RAB11FIP5: variants seen among roughly 807,000 people sequenced by gnomAD.
RAB11FIP5 encodes the protein rab11 family-interacting protein 5.
RAB11FIP5 carries 48 observed loss-of-function variants against 85.1 expected under a neutral mutation model. That is an observed-to-expected ratio of 0.56 (90% CI 0.45 to 0.72). The LOEUF is 0.72. Among genes scored for constraint, RAB11FIP5 ranks in the 30% least tolerant of loss-of-function variants. The pLI, the probability that RAB11FIP5 is intolerant of heterozygous loss-of-function variation, is 0.00. For synonymous variants in RAB11FIP5, 729 were observed against 727.3 expected (o/e 1.00, Z -0.04); for missense variants, 1,491 against 1,687.0 (o/e 0.88, Z 2.04).
chr2:73,107,681 T>G (rs970556260), intron 1 of RAB11FIP5, among the ~76,000 whole-genome samples: 4 of 151,976 alleles, frequency 2.6e-5, no homozygotes, highest in African/African-American at 9.7e-5. Context: ...CAACCCCAAA[T>G]AAAAACCACC....
rs1224657363 is a variant in RAB11FIP5, at chr2:73,075,940, G to A, written c.3771+53C>T. 1.5e-5 allele frequency: 23 copies of A among 1,569,478 alleles called. No individual in the cohort carries two copies. The highest frequency in any genetic ancestry group is 1.9e-5 in the Non-Finnish European group (22 of 1,152,308). On this transcript the variant is annotated intron_variant, in intron 5 of 5. Coordinates refer to ENST00000486777, the MANE Select transcript of RAB11FIP5 (RefSeq NM_001371272.1). The surrounding 1 kb of genome is among the most constrained non-coding windows in gnomAD (Gnocchi z 4.6). The stretch of plus-strand genomic sequence containing the variant: ...CCCACCCTCACCAGGACCAAGCCCT[G>A]AGACTCCACCACACATTCTGTCAGA...
In RAB11FIP5 at chr2:73,088,655, A is replaced by G; in HGVS notation, c.963T>C (p.Leu321=). The change falls in exon 3 of 6, where the codon CTT becomes CTC. Residue 321 remains leucine, a synonymous_variant. Transcript: ENST00000486777. ...NQMRVAPPRA[L]LDLQGHLDAA... ...CATCCAGGTGGCCCTGAAGGTCCAGAAGGGCCCGAGGAGGAGCCACTCGCA... is the reference window on the plus strand; with the variant it reads ...CATCCAGGTGGCCCTGAAGGTCCAGGAGGGCCCGAGGAGGAGCCACTCGCA... 1 of 1,613,200 alleles carries G rather than the reference A, an allele frequency of 6.2e-7. No individual in the cohort carries two copies. Among genetic ancestry groups the G allele is most frequent in the Non-Finnish European group, 8.5e-7 (1 of 1,180,030 alleles).
At position 73,081,105 on chromosome 2, in the gene RAB11FIP5, TCCTCC is replaced by T. The variant is rs1481389047; in HGVS notation, c.2122_2126del (p.Gly708ArgfsTer30). The T allele has an allele frequency of 4.1e-6, 5 of 1,221,102 alleles. No individual in the cohort carries two copies. The African/African-American group carries it at 4.7e-5, about 12-fold the overall frequency. The allele number at this position is 1,221,102 out of a possible 1,614,324, so 75.6% of individuals were successfully genotyped here. On this transcript the variant is annotated frameshift_variant, in exon 4 of 6. Transcript: ENST00000486777. LOFTEE classifies it high-confidence loss of function. The surrounding 1 kb of genome is among the most constrained non-coding windows in gnomAD (Gnocchi z 4.2). ...CGCTGCTCCCACCTCTTCCTCCTCC[TCCTCC>T]TCCTCCTCCTCCTCCTCCCCCAGGC... is the stretch of plus-strand genomic sequence containing the variant.
At chr2:73,103,491 G>A (rs1048604959) in intron 1 of RAB11FIP5, among the ~76,000 whole-genome samples, 1 of 152,216 alleles carries the variant, frequency 6.6e-6, no homozygotes, top group African/African-American at 2.4e-5. Flanking sequence ...CAGAAAAGAT[G>A]TAGGGTTGAT....
chr2:73,075,782 CCGCT>C lies in RAB11FIP5; in HGVS notation c.3772-62_3772-59del, dbSNP rs1683846964. 31 of 1,521,808 alleles carry C rather than the reference CCGCT, an allele frequency of 2.0e-5. No homozygotes were observed. The highest frequency in any genetic ancestry group is 1.2e-4 in the Admixed American group (6 of 50,646). 94.3% of individuals were successfully genotyped at this position (1,521,808 alleles called of 1,614,324 possible). On this transcript the variant is annotated intron_variant, in intron 5 of 5. Coordinates refer to ENST00000486777, the MANE Select transcript of RAB11FIP5 (RefSeq NM_001371272.1). The surrounding 1 kb of genome is among the most constrained non-coding windows in gnomAD (Gnocchi z 4.6). ...GCCCTAGGCCTGCCTGCCTGCCTGC[CCGCT>C]TGCCCGCCCGCCCGCCTGCCCACCA...
At position 73,074,849 on chromosome 2, in the gene RAB11FIP5, C is replaced by G. The variant is rs931213779; in HGVS notation, c.*672G>C. 4.0e-6 allele frequency: 1 copy of G among 250,890 alleles called. No homozygotes were observed. Among genetic ancestry groups the G allele is most frequent in the Non-Finnish European group, 7.9e-6 (1 of 126,214 alleles). 15.5% of individuals were successfully genotyped at this position (250,890 alleles called of 1,614,324 possible). ...TCCCATGTGACACTCGTGGAAAGGT[C>G]AGAGGGGTCAGGGAGCAGCCTGAAG... On this transcript the variant is annotated 3_prime_UTR_variant, in exon 6 of 6. Coordinates refer to ENST00000486777, the MANE Select transcript of RAB11FIP5 (RefSeq NM_001371272.1).
chr2:73,089,455 A>T lies in RAB11FIP5; in HGVS notation c.432-140T>A, dbSNP rs998490596. The T allele has an allele frequency of 8.1e-6, 7 of 869,292 alleles. No homozygotes were observed. The African/African-American group carries it at 1.2e-4, about 14-fold the overall frequency. The allele number at this position is 869,292 out of a possible 1,614,324, so 53.8% of individuals were successfully genotyped here. On this transcript the variant is annotated intron_variant, in intron 1 of 5. Coordinates refer to ENST00000486777, the MANE Select transcript of RAB11FIP5 (RefSeq NM_001371272.1). This position sits in a 1 kb window ranked among gnomAD's most constrained non-coding sequence, Gnocchi z 4.6. Reference sequence around the variant, plus strand: ...TCCCCAAAGGCTCCTGCTCTGACCCATCGGCCTGGGCTTCCAGGCTTCAGA... The same window carrying T: ...TCCCCAAAGGCTCCTGCTCTGACCCTTCGGCCTGGGCTTCCAGGCTTCAGA...
intron 1 of RAB11FIP5, among the ~76,000 whole-genome samples, chr2:73,100,365 G>A (rs562482390): frequency 6.6e-6 from 1 of 152,034 alleles, no homozygotes; most frequent in East Asian, 1.9e-4. Context: ...CATGGGCAGG[G>A]CATATATTTA....
chr2:73,080,545 T>C lies in RAB11FIP5; in HGVS notation c.2687A>G (p.Gln896Arg), dbSNP rs1042790071. 4 of 1,232,466 alleles carry C rather than the reference T, an allele frequency of 3.2e-6. No homozygotes were observed. In the African/African-American group the frequency reaches 6.2e-5, roughly 19 times the overall value. 76.3% of individuals were successfully genotyped at this position (1,232,466 alleles called of 1,614,324 possible). A position where few individuals can be genotyped will look rare whatever the true frequency, so the allele number is the denominator to read the frequency against. The stretch of plus-strand genomic sequence containing the variant: ...TGGCTTGGGAGGTGGGGTGCTGGGC[T>C]GCAGCCCCTTGTCAGACACCCACTC... ...KPEWVSDKGL[Q>R]PSTPPPKPPR... The change falls in exon 4 of 6, where the codon CAG (glutamine) becomes CGG (arginine). Residue 896 changes from glutamine (Q) to arginine (R), a missense_variant. This residue lies in a region of RAB11FIP5 where 1,211 missense variants were observed against 1,338.0 expected (regional missense o/e 0.91). Transcript: ENST00000486777.
chr2:73,088,117 C>G lies in RAB11FIP5; in HGVS notation c.1501G>C (p.Gly501Arg), dbSNP rs1684125002. The G allele has an allele frequency of 6.2e-7, 1 of 1,613,968 alleles. No individual in the cohort carries two copies. The highest frequency in any genetic ancestry group is 1.3e-5 in the African/African-American group (1 of 75,050). Residue 501 changes from glycine to arginine, a missense_variant, in exon 3 of 6, where the codon GGG becomes CGG. By Grantham distance (125) the Gly-to-Arg change is moderately radical. Coordinates refer to ENST00000486777, the MANE Select transcript of RAB11FIP5 (RefSeq NM_001371272.1). ...LGASPHHSSSGEEKAKSSWFG... is the reference protein window; with the variant it reads ...LGASPHHSSSREEKAKSSWFG... ...CAGCTACTCTTGGCCTTTTCCTCCC[C>G]ACTGGATGAGTGATGTGGGGAGGCC...
At chr2:73,076,237 A>T in intron 4 of RAB11FIP5, 55 bp from the exon 5 acceptor site, 2 of 1,475,456 alleles carry the variant, frequency 1.4e-6, no homozygotes, top group Non-Finnish European at 1.9e-6. Context: ...CACGGGTCAA[A>T]GGTGGGGCTG....
chr2:73,106,613 T>C (rs1369498041), intron 1 of RAB11FIP5, among the ~76,000 whole-genome samples: 1 of 152,186 alleles, frequency 6.6e-6, no homozygotes, highest in Non-Finnish European at 1.5e-5. Context: ...CACTAAAACC[T>C]GGCAGGCACT....
At position 73,088,246 on chromosome 2, in the gene RAB11FIP5, G is replaced by A. The variant is rs150741859; in HGVS notation, c.1372C>T (p.Arg458Cys). 46 of 1,613,824 alleles carry A rather than the reference G, an allele frequency of 2.9e-5. No homozygotes were observed. The Admixed American group carries it at 3.2e-4, about 11-fold the overall frequency. The part of the protein sequence containing the change: ...AEKEGARKEE[R>C]KPRMGLFHHH... The stretch of plus-strand genomic sequence containing the variant: ...TGGAAGAGACCCATCCGGGGCTTGC[G>A]TTCCTCCTTCCGGGCTCCCTCCTTC... Residue 458 changes from arginine (R) to cysteine (C), a missense_variant, in exon 3 of 6, where the codon CGC (arginine) becomes TGC (cysteine). Physicochemically the swap from Arg to Cys is radical, Grantham distance 180. Coordinates refer to ENST00000486777, the MANE Select transcript of RAB11FIP5 (RefSeq NM_001371272.1).
Position 73,080,771 on chromosome 2 carries a change from G to A in RAB11FIP5, c.2461C>T (p.Gln821Ter). 8.1e-7 allele frequency: 1 copy of A among 1,232,536 alleles called. No homozygotes were observed. The highest frequency in any genetic ancestry group is 1.0e-6 in the Non-Finnish European group (1 of 988,142). 76.3% of individuals were successfully genotyped at this position (1,232,536 alleles called of 1,614,324 possible). ...QDDESSRGEN[Q>*]LCPDVETADD... Reference sequence around the variant, plus strand: ...GCTGTCTCGACGTCAGGGCAAAGCTGATTTTCGCCTCGGGAGGACTCATCG... The same window carrying A: ...GCTGTCTCGACGTCAGGGCAAAGCTAATTTTCGCCTCGGGAGGACTCATCG... The change falls in exon 4 of 6, where the codon CAG becomes TAG. Residue 821 changes from glutamine (Q) to a stop codon, truncating the protein, a stop_gained. Transcript: ENST00000486777. LOFTEE classifies it high-confidence loss of function.
rs1374496036 is a variant in RAB11FIP5, at chr2:73,076,035, C to T, written c.3729G>A (p.Gln1243=). 1 of 1,613,962 alleles carries T rather than the reference C, an allele frequency of 6.2e-7. No individual in the cohort carries two copies. Among genetic ancestry groups the T allele is most frequent in the African/African-American group, 1.3e-5 (1 of 74,934 alleles). ...VTSGSIQPVT[Q]APQAGQMVDT... ...CCACCATCTGGCCAGCCTGGGGGGC[C>T]TGGGTCACAGGCTGAATGCTCCCAG... Residue 1243 remains glutamine, a synonymous_variant, in exon 5 of 6, where the codon CAG becomes CAA. Transcript: ENST00000486777.
At position 73,112,512 on chromosome 2, in the gene RAB11FIP5, T is replaced by C; in HGVS notation, c.266A>G (p.Gln89Arg). ...GGGCGCCGGGCCCGCGTCGGCCTCCTGCGCCCGCAGCAGGCCATCCAGGGC... is the reference window on the plus strand; with the variant it reads ...GGGCGCCGGGCCCGCGTCGGCCTCCCGCGCCCGCAGCAGGCCATCCAGGGC... ...PGALDGLLRA[Q>R]EADAGPAPWA... Residue 89 changes from glutamine (Q) to arginine (R), a missense_variant, in exon 1 of 6, where the codon CAG (glutamine) becomes CGG (arginine). Gln to Arg is a conservative substitution (Grantham distance 43). Coordinates refer to ENST00000486777, the MANE Select transcript of RAB11FIP5 (RefSeq NM_001371272.1). 1 of 1,505,574 alleles carries C rather than the reference T, an allele frequency of 6.6e-7. No individual in the cohort carries two copies. Among genetic ancestry groups the C allele is most frequent in the Non-Finnish European group, 8.9e-7 (1 of 1,128,382 alleles). 93.3% of individuals were successfully genotyped at this position (1,505,574 alleles called of 1,614,324 possible).
At chr2:73,111,414 T>C (rs1684652316) in intron 1 of RAB11FIP5, among the ~76,000 whole-genome samples, 1 of 152,072 alleles carries the variant, frequency 6.6e-6, no homozygotes, top group Non-Finnish European at 1.5e-5. Flanking sequence ...CCTACCCAGA[T>C]CACTCCCAAG....
chr2:73,097,191 C>A (rs1221305129), intron 1 of RAB11FIP5, among the ~76,000 whole-genome samples: 2 of 152,184 alleles, frequency 1.3e-5, no homozygotes, highest in African/African-American at 4.8e-5. Context: ...GCATGTGCCA[C>A]CCCGCCTGGC....
Position 73,087,324 on chromosome 2 carries a change from G to A in RAB11FIP5, c.1568+726C>T, listed in dbSNP as rs150130226. ...GAGGAAGCAAATGGTAGGCATCAGG[G>A]TCTCTGCCCAGGGCCTGAAATGGGG... On this transcript the variant is annotated intron_variant, in intron 3 of 5. Transcript: ENST00000486777. Among the ~76,000 whole-genome samples the A allele has an allele frequency of 4.0e-3, 609 of 152,306 alleles. 2 individuals carry two copies. The highest frequency in any genetic ancestry group is 0.01 in the African/African-American group (435 of 41,568).
Sources: allele counts gnomAD v4.1 joint callset (sites outside exome capture counted in the v4.1 genomes callset), GRCh38; gene constraint gnomAD v4.1.1; regional missense constraint gnomAD v4.1.1; non-coding constraint Gnocchi (gnomAD v3.1); transcripts MANE v1.5; gene names NCBI Gene and HGNC (gene_info 2026-07-23, HGNC 2026-07-21).